Variants in PRR12 observed in about 807,000 individuals in gnomAD.
The protein encoded by PRR12 is proline rich 12, also known as proline-rich protein 12.
PRR12 carries 12 observed loss-of-function variants against 138.0 expected under a neutral mutation model. The ratio of observed to expected loss-of-function variants is 0.09; its 90% CI spans 0.06 to 0.14. The LOEUF is 0.14. Ranked by LOEUF, PRR12 falls within the 10% of genes least tolerant of loss-of-function variation. The probability of loss-of-function intolerance (pLI) is 1.00; values close to 1 mark genes in which losing one functional copy is unlikely to be tolerated. For missense variants in PRR12, 2,692 were observed against 2,861.3 expected (o/e 0.94, Z 1.35); for synonymous variants, 1,567 against 1,291.7 (o/e 1.21, Z -4.57).
In PRR12 at chr19:49,619,618, C is replaced by T. The variant is rs545463529; in HGVS notation, c.5498-734C>T. ...GTACAATTGTGCGATCTCGGCTCAC[C>T]GCAACCTCCGCCTCCCAGGTTCAAG... On this transcript the variant is annotated intron_variant, in intron 9 of 13. Transcript: ENST00000418929. Among the ~76,000 whole-genome samples, 14 of 146,668 alleles carry T rather than the reference C, an allele frequency of 9.5e-5. No homozygotes were observed. In the East Asian group the frequency reaches 1.8e-3, roughly 19 times the overall value.
At chr19:49,602,036 C>T (rs1307873930) in intron 6 of PRR12, 118 bp downstream of exon 6, 10 of 1,319,738 alleles carry the variant, frequency 7.6e-6, no homozygotes, top group African/African-American at 1.5e-5. Context: ...GCCGGGCCGC[C>T]CTGGAATTTG....
At chr19:49,622,816 C>T (rs1325990503) in intron 11 of PRR12, among the ~76,000 whole-genome samples, 4 of 148,468 alleles carry the variant, frequency 2.7e-5, no homozygotes, top group Non-Finnish European at 5.9e-5. Context: ...GGCGTGAACC[C>T]GGGAGGCGGA....
rs1439753641 is a variant in PRR12, at chr19:49,597,515, C to T, written c.3180C>T (p.Thr1060=). The T allele has an allele frequency of 1.9e-6, 3 of 1,557,378 alleles. No homozygotes were observed. The highest frequency in any genetic ancestry group is 1.9e-5 in the Admixed American group (1 of 51,708). The part of the protein sequence containing the change: ...APASEPKGGL[T]SPIFCSTKPK... The stretch of plus-strand genomic sequence containing the variant: ...CCTCCGAACCCAAGGGTGGCCTCAC[C>T]TCGCCCATCTTCTGCTCTACCAAGC... Residue 1060 remains threonine (T), a synonymous_variant, in exon 4 of 14, where the codon ACC becomes ACT. Transcript: ENST00000418929. This position sits in a 1 kb window ranked among gnomAD's most constrained non-coding sequence, Gnocchi z 6.3.
chr19:49,596,840 A>G lies in PRR12; in HGVS notation c.2505A>G (p.Pro835=), dbSNP rs924389274. 4.4e-6 allele frequency: 7 copies of G among 1,573,742 alleles called. No individual in the cohort carries two copies. The highest frequency in any genetic ancestry group is 6.0e-6 in the Non-Finnish European group (7 of 1,166,578). The change falls in exon 4 of 14, where the codon CCA becomes CCG. Residue 835 remains proline (P), a synonymous_variant. Coordinates refer to ENST00000418929, the MANE Select transcript of PRR12 (RefSeq NM_020719.3). The surrounding 1 kb of genome is among the most constrained non-coding windows in gnomAD (Gnocchi z 5.6). ...CCACCCGCGATGGGGCACCCCAGCCACCTCCACCGCCACCCCCGCCTCCAC... is the reference window on the plus strand; with the variant it reads ...CCACCCGCGATGGGGCACCCCAGCCGCCTCCACCGCCACCCCCGCCTCCAC... The part of the protein sequence containing the change: ...EPATRDGAPQ[P]PPPPPPPPPP...
intron 9 of PRR12, among the ~76,000 whole-genome samples, chr19:49,619,026 AC>A (rs952883162): frequency 6.6e-6 from 1 of 151,810 alleles, no homozygotes; most frequent in African/African-American, 2.4e-5. Flanking sequence ...GCCTGCACTG[AC>A]CTGTGCAATG....
Position 49,614,285 on chromosome 19 carries a change from T to G in PRR12, c.4774-248T>G, listed in dbSNP as rs2080880550. ...GGGCTTTCACCCCGTAAAGCAATAG[T>G]GACTCAAACTCTACAGCCTGAGAAC... is the stretch of plus-strand genomic sequence containing the variant. On this transcript the variant is annotated intron_variant, in intron 6 of 13. Coordinates refer to ENST00000418929, the MANE Select transcript of PRR12 (RefSeq NM_020719.3). This position sits in a 1 kb window ranked among gnomAD's most constrained non-coding sequence, Gnocchi z 5.0. Among the ~76,000 whole-genome samples the G allele has an allele frequency of 6.6e-6, 1 of 152,164 alleles. No homozygotes were observed. The highest frequency in any genetic ancestry group is 1.5e-5 in the Non-Finnish European group (1 of 68,034).
At position 49,597,790 on chromosome 19, in the gene PRR12, C is replaced by A; in HGVS notation, c.3455C>A (p.Pro1152His). 6.3e-7 allele frequency: 1 copy of A among 1,582,470 alleles called. No individual in the cohort carries two copies. Among genetic ancestry groups the A allele is most frequent in the South Asian group, 1.1e-5 (1 of 87,322 alleles). Residue 1152 changes from proline (P) to histidine (H), a missense_variant, in exon 4 of 14, where the codon CCC becomes CAC. Physicochemically the swap from Pro to His is moderately conservative, Grantham distance 77. Coordinates refer to ENST00000418929, the MANE Select transcript of PRR12 (RefSeq NM_020719.3). This position sits in a 1 kb window ranked among gnomAD's most constrained non-coding sequence, Gnocchi z 6.3. ...CCACCCAACCCAGGACCCGATGGCC[C>A]CCGGCGCCGTGGCCGCAAGCCCACG... ...FCPPNPGPDG[P>H]RRRGRKPTKA...
At chr19:49,612,913 G>A (rs1395088198) in intron 6 of PRR12, among the ~76,000 whole-genome samples, 2 of 151,642 alleles carry the variant, frequency 1.3e-5, no homozygotes, top group African/African-American at 2.4e-5. Context: ...ATCCCACCTC[G>A]GCCTCCCAAA....
At chr19:49,613,359 G>A (rs2080876201) in intron 6 of PRR12, among the ~76,000 whole-genome samples, 1 of 151,222 alleles carries the variant, frequency 6.6e-6, no homozygotes. Context: ...AAAATCTGAG[G>A]CCCCTCCTCT....
Position 49,625,293 on chromosome 19 carries a change from C to G in PRR12, c.5964+93C>G. 2.7e-6 allele frequency: 4 copies of G among 1,488,896 alleles called. No individual in the cohort carries two copies. The East Asian group carries it at 7.1e-5, about 26-fold the overall frequency. The allele number at this position is 1,488,896 out of a possible 1,614,324, so 92.2% of individuals were successfully genotyped here. On this transcript the variant is annotated intron_variant, in intron 13 of 13. Coordinates refer to ENST00000418929, the MANE Select transcript of PRR12 (RefSeq NM_020719.3). This position sits in a 1 kb window ranked among gnomAD's most constrained non-coding sequence, Gnocchi z 5.5. ...GGGTCCAAGCCCAGCCCCATCCTGC[C>G]TCAGACCCAAGAGTTCAGGTCCTTC...
intron 5 of PRR12, among the ~76,000 whole-genome samples, chr19:49,600,303 CTG>C (rs1226045218): frequency 2.7e-5 from 4 of 149,680 alleles, no homozygotes; most frequent in Non-Finnish European, 5.9e-5. Context: ...AGAAAGATGT[CTG>C]GGGGCAGAGA....
intron 8 of PRR12, among the ~76,000 whole-genome samples, chr19:49,615,251 A>G (rs983874875): frequency 4.7e-5 from 7 of 150,442 alleles, no homozygotes; most frequent in African/African-American, 1.7e-4. Flanking sequence ...AGACCCAGAG[A>G]TGGGAGAACA....
intron 6 of PRR12, among the ~76,000 whole-genome samples, chr19:49,602,856 A>G (rs986946570): frequency 3.3e-5 from 5 of 152,212 alleles, no homozygotes; most frequent in African/African-American, 9.6e-5. Flanking sequence ...CTGGCTGGCC[A>G]TAGCTTCAAT....
At chr19:49,622,585 G>A (rs1308107395) in intron 11 of PRR12, among the ~76,000 whole-genome samples, 2 of 118,186 alleles carry the variant, frequency 1.7e-5, no homozygotes, top group African/African-American at 7.8e-5. Context: ...GAGCAAGACT[G>A]TCTCCAAAAA....
intron 6 of PRR12, among the ~76,000 whole-genome samples, chr19:49,604,215 A>AG (rs1216266727): frequency 1.3e-5 from 2 of 152,108 alleles, no homozygotes; most frequent in Non-Finnish European, 2.9e-5. Context: ...AGTAAATAAT[A>AG]GAGCAGGCCG....
At position 49,601,493 on chromosome 19, in the gene PRR12, C is replaced by T. The variant is rs1274464903; in HGVS notation, c.4348C>T (p.Pro1450Ser). The T allele has an allele frequency of 1.4e-6, 2 of 1,480,194 alleles. No homozygotes were observed. The highest frequency in any genetic ancestry group is 1.8e-6 in the Non-Finnish European group (2 of 1,090,894). The allele number at this position is 1,480,194 out of a possible 1,614,324, so 91.7% of individuals were successfully genotyped here. A position where few individuals can be genotyped will look rare whatever the true frequency, so the allele number is the denominator to read the frequency against. The change falls in exon 6 of 14, where the codon CCC becomes TCC. Residue 1450 changes from proline to serine, a missense_variant and splice_region_variant. Physicochemically the swap from Pro to Ser is moderately conservative, Grantham distance 74. Transcript: ENST00000418929. ...CCTGATGTCCCTGTCTCCCCCAGAG[C>T]CCCCGCTGCTGGAGGAGAAACCCCC... ...PSANSNGTPE[P>S]PLLEEKPPPT...
chr19:49,621,861 G>A (rs1243819611), intron 11 of PRR12: 4 of 541,778 alleles, frequency 7.4e-6, no homozygotes, highest in Non-Finnish European at 1.3e-5. Context: ...GTGAAAGGCT[G>A]GGCTGTTGTT....
In PRR12 at chr19:49,601,915, C is replaced by T; in HGVS notation, c.4770C>T (p.Leu1590=). ...FVIRAEDIPS[L]KLALQTGREP... is the part of the protein sequence containing the mutation. ...TCCGTGCTGAGGACATCCCTTCCCT[C>T]AAGGTGAGTCCCAGCCTTCTCCAGA... The change falls in exon 6 of 14, where the codon CTC becomes CTT. Residue 1590 remains leucine (L), a synonymous_variant. Coordinates refer to ENST00000418929, the MANE Select transcript of PRR12 (RefSeq NM_020719.3). 1.2e-6 allele frequency: 2 copies of T among 1,610,956 alleles called. No homozygotes were observed. Among genetic ancestry groups the T allele is most frequent in the Non-Finnish European group, 1.7e-6 (2 of 1,179,462 alleles).
At chr19:49,607,744 C>T (rs1010884418) in intron 6 of PRR12, among the ~76,000 whole-genome samples, 5 of 151,408 alleles carry the variant, frequency 3.3e-5, no homozygotes, top group Admixed American at 1.3e-4. Context: ...GTTGGCCAAG[C>T]GTGGTGGCTC....
Sources: allele counts gnomAD v4.1 joint callset (sites outside exome capture counted in the v4.1 genomes callset), GRCh38; gene constraint gnomAD v4.1.1; non-coding constraint Gnocchi (gnomAD v3.1); transcripts MANE v1.5; gene names NCBI Gene and HGNC (gene_info 2026-07-23, HGNC 2026-07-21).